HOXB3: variants seen among roughly 807,000 people sequenced by gnomAD.
The protein encoded by HOXB3 is homeobox protein Hox-B3.
A neutral mutation model predicts 29.2 loss-of-function variants in HOXB3; 17 were observed. The ratio of observed to expected loss-of-function variants is 0.58; its 90% CI spans 0.40 to 0.87. HOXB3 has a LOEUF of 0.87. Among genes scored for constraint, HOXB3 ranks in the 40% least tolerant of loss-of-function variants. The pLI, the probability that HOXB3 is intolerant of heterozygous loss-of-function variation, is 0.00. For synonymous variants in HOXB3, 317 were observed against 285.9 expected (o/e 1.11, Z -1.10); for missense variants, 637 against 616.3 (o/e 1.03, Z -0.35).
At chr17:48,574,082 A>G (rs1045275455) in intron 1 of HOXB3, 68 bp from the exon 2 acceptor site, 4 of 568,072 alleles carry the variant, frequency 7.0e-6, no homozygotes, top group African/African-American at 5.7e-5. Context: ...GGTTTTCTGT[A>G]TAATTCTCAC....
At chr17:48,568,874 C>A (rs1017576665) in intron 2 of HOXB3, among the ~76,000 whole-genome samples, 1 of 152,156 alleles carries the variant, frequency 6.6e-6, no homozygotes, top group African/African-American at 2.4e-5. Flanking sequence ...ATGAAGATGG[C>A]TATTTGTCAC....
intron 1 of HOXB3, among the ~76,000 whole-genome samples, chr17:48,585,746 G>A (rs1168465123): frequency 6.6e-6 from 1 of 152,210 alleles, no homozygotes; most frequent in Non-Finnish European, 1.5e-5. Context: ...AGAGATGCAT[G>A]CACCTAAGGA....
chr17:48,577,867 G>T, intron 1 of HOXB3: 1 of 1,403,128 alleles, frequency 7.1e-7, no homozygotes. Flanking sequence ...ACTCACCCGT[G>T]CTCACGTGAA....
At chr17:48,577,100 G>A in intron 1 of HOXB3, 6 of 1,369,342 alleles carry the variant, frequency 4.4e-6, no homozygotes, top group Non-Finnish European at 5.9e-6. Flanking sequence ...AGGGAACACA[G>A]CGTTTCCCTC....
rs187742148 is a variant in HOXB3, at chr17:48,560,912, G to C, written c.-246-5294C>G. Among the ~76,000 whole-genome samples the C allele has an allele frequency of 4.4e-3, 672 of 152,244 alleles. 6 individuals are homozygous for C. The highest frequency in any genetic ancestry group is 0.015 in the African/African-American group (611 of 41,542). ...ACTGTTCAGTCCCTGGGCTGGGGTAGGGGGCACCTTAAAAACCACACTCTG... is the reference window on the plus strand; with the variant it reads ...ACTGTTCAGTCCCTGGGCTGGGGTACGGGGCACCTTAAAAACCACACTCTG... On this transcript the variant is annotated intron_variant, in intron 2 of 4. Coordinates refer to ENST00000498678, the MANE Select transcript of HOXB3 (RefSeq NM_001384749.1).
Position 48,551,090 on chromosome 17 carries a change from CTT to C in HOXB3, c.538_539del (p.Lys180GlufsTer30). On this transcript the variant is annotated frameshift_variant, in exon 5 of 5. Coordinates refer to ENST00000498678, the MANE Select transcript of HOXB3 (RefSeq NM_001384749.1). LOFTEE classifies it high-confidence loss of function. ...TGGACGCCGCCGACCCCGGGGGGCT[CTT>C]GTCCCCTCCCCCGCCGCCGCCGCCA... ...GGGGGGGGGDKSPPGSAASKR... is the reference protein window; with the variant it reads ...GGGGGGGGGDXSPPGSAASKR... 1 of 1,450,282 alleles carries C rather than the reference CTT, an allele frequency of 6.9e-7. No homozygotes were observed. The highest frequency in any genetic ancestry group is 1.5e-5 in the South Asian group (1 of 65,982). The allele number at this position is 1,450,282 out of a possible 1,614,324, so 89.8% of individuals were successfully genotyped here.
chr17:48,552,339 C>T lies in HOXB3; in HGVS notation c.136G>A (p.Asp46Asn), dbSNP rs756705326. 3.7e-5 allele frequency: 60 copies of T among 1,613,936 alleles called. No homozygotes were observed. In the Admixed American group the frequency reaches 8.0e-4, roughly 22 times the overall value. Residue 46 changes from aspartate (D) to asparagine (N), a missense_variant, in exon 4 of 5, where the codon GAC (aspartate) becomes AAC (asparagine). Coordinates refer to ENST00000498678, the MANE Select transcript of HOXB3 (RefSeq NM_001384749.1). ...AGCGAGCAAGCTGAGCGCTGGTAGT[C>T]GCCCTCCAGGTGCGTGGCGGCCTGA... ...PFQAATHLEG[D>N]YQRSACSLQS...
At chr17:48,587,590 A>C (rs1469851465) in intron 1 of HOXB3, among the ~76,000 whole-genome samples, 1 of 152,174 alleles carries the variant, frequency 6.6e-6, no homozygotes, top group Admixed American at 6.5e-5. Flanking sequence ...CAAGGAAAGG[A>C]GCTGCCTCTT....
intron 2 of HOXB3, among the ~76,000 whole-genome samples, chr17:48,558,866 T>G (rs2069093428): frequency 6.6e-6 from 1 of 151,788 alleles, no homozygotes; most frequent in Non-Finnish European, 1.5e-5. Context: ...GAGGGAACAA[T>G]TTCTTCTTGG....
rs374329404 is a variant in HOXB3 at position 48,577,788 on chromosome 17, C to CG, written c.-424-3775_-424-3774insC. The stretch of plus-strand genomic sequence containing the variant: ...TTGGCTTCCCCAGCTCAACCCCCCC[C>CG]CAACCCATGCCTCCGAAGTCCCTTT... On this transcript the variant is annotated intron_variant, in intron 1 of 4. Transcript: ENST00000498678. 1.3e-3 allele frequency: 1,641 copies of CG among 1,272,936 alleles called. 17 individuals carry two copies. The African/African-American group carries it at 0.022, about 17-fold the overall frequency. The allele number at this position is 1,272,936 out of a possible 1,614,324, so 78.9% of individuals were successfully genotyped here.
intron 3 of HOXB3, chr17:48,552,834 T>G (rs2068818525): frequency 4.6e-6 from 1 of 219,668 alleles, no homozygotes; most frequent in Non-Finnish European, 9.0e-6. Flanking sequence ...TATATGCCTT[T>G]CAAGACTGCC....
At chr17:48,563,141 A>C (rs1274572577) in intron 2 of HOXB3, among the ~76,000 whole-genome samples, 1 of 152,216 alleles carries the variant, frequency 6.6e-6, no homozygotes, top group Admixed American at 6.5e-5. Flanking sequence ...CAAAGTTAAA[A>C]ATTCAAAGTG....
At chr17:48,572,889 G>T (rs556223675) in intron 2 of HOXB3, among the ~76,000 whole-genome samples, 279 of 152,278 alleles carry the variant, frequency 1.8e-3, no homozygotes, top group Non-Finnish European at 2.8e-3. Flanking sequence ...GTCTCAGCGA[G>T]GTCAAGGGGC....
At chr17:48,551,580 TGAG>T (rs2068745568) in intron 4 of HOXB3, among the ~76,000 whole-genome samples, 3 of 152,214 alleles carry the variant, frequency 2.0e-5, no homozygotes, top group South Asian at 2.1e-4. Context: ...GATGGGAGAC[TGAG>T]GAGAATCCTC....
intron 2 of HOXB3, among the ~76,000 whole-genome samples, chr17:48,565,838 C>A (rs1597835398): frequency 6.6e-6 from 1 of 152,178 alleles, no homozygotes; most frequent in Non-Finnish European, 1.5e-5. Flanking sequence ...CTCTGACTGG[C>A]CTTTGTTTCC....
At chr17:48,585,573 G>C (rs2070031901) in intron 1 of HOXB3, among the ~76,000 whole-genome samples, 1 of 152,204 alleles carries the variant, frequency 6.6e-6, no homozygotes, top group Admixed American at 6.5e-5. Flanking sequence ...TACAGCCTCT[G>C]CCTCTGGTCC....
At chr17:48,568,855 T>C (rs1487118471) in intron 2 of HOXB3, among the ~76,000 whole-genome samples, 1 of 152,120 alleles carries the variant, frequency 6.6e-6, no homozygotes, top group Non-Finnish European at 1.5e-5. Flanking sequence ...TGAAGAGAAA[T>C]GGCAGGAAAT....
At chr17:48,561,068 T>C (rs1022672094) in intron 2 of HOXB3, among the ~76,000 whole-genome samples, 1 of 152,068 alleles carries the variant, frequency 6.6e-6, no homozygotes, top group African/African-American at 2.4e-5. Context: ...TAGTCCCAGC[T>C]ACTCGGGAGG....
At chr17:48,562,985 C>A (rs2069251114) in intron 2 of HOXB3, among the ~76,000 whole-genome samples, 1 of 152,158 alleles carries the variant, frequency 6.6e-6, no homozygotes, top group African/African-American at 2.4e-5. Flanking sequence ...TGGGGGAATT[C>A]GAGCAGTAAT....
Sources: gnomAD v4.1 joint callset for allele counts (sites outside exome capture counted in the v4.1 genomes callset) on GRCh38, gnomAD v4.1.1 for gene constraint, MANE v1.5 for transcripts, NCBI Gene and HGNC (gene_info 2026-07-23, HGNC 2026-07-21) for gene names.